Variants in EYA2 observed in about 807,000 individuals in gnomAD.
EYA2 encodes protein phosphatase EYA2.
EYA2 carries 31 observed loss-of-function variants against 69.2 expected under a neutral mutation model. That is an observed-to-expected ratio of 0.45 (90% CI 0.34 to 0.60). The LOEUF is 0.60. EYA2 is among the 20% of genes least tolerant of loss of function. The pLI, the probability that EYA2 is intolerant of heterozygous loss-of-function variation, is 0.02. For missense variants in EYA2, 622 were observed against 701.2 expected, an observed-to-expected ratio of 0.89 and a Z score of 1.28; for synonymous variants, 257 against 279.4, an observed-to-expected ratio of 0.92 and a Z score of 0.80.
chr20:47,061,992 G>A (rs1600679629), intron 5 of EYA2, among the ~76,000 whole-genome samples: 1 of 152,160 alleles, frequency 6.6e-6, no homozygotes. Flanking sequence ...TTTCCACCTT[G>A]CTATGCCCCA....
At chr20:47,184,605 T>G (rs6066226) in intron 15 of EYA2, among the ~76,000 whole-genome samples, 60,909 of 150,284 alleles carry the variant, frequency 0.41, 12,907 homozygotes, top group Non-Finnish European at 0.48. Context: ...TTTTTTTTTA[T>G]AGAGATGGGG....
intron 9 of EYA2, among the ~76,000 whole-genome samples, chr20:47,129,381 T>C (rs1054127559): frequency 2.6e-5 from 4 of 152,110 alleles, no homozygotes; most frequent in African/African-American, 7.2e-5. Flanking sequence ...CTTTCTGGCA[T>C]TGAAAGTGGG....
At chr20:47,159,323 C>G (rs560973677) in intron 10 of EYA2, among the ~76,000 whole-genome samples, 1 of 151,918 alleles carries the variant, frequency 6.6e-6, no homozygotes, top group Non-Finnish European at 1.5e-5. Flanking sequence ...CCCAGGAACC[C>G]GGTGTCATCA....
At chr20:46,968,984 CTGAGTGCATAA>C (rs1979962504) in intron 1 of EYA2, among the ~76,000 whole-genome samples, 1 of 152,214 alleles carries the variant, frequency 6.6e-6, no homozygotes, top group Non-Finnish European at 1.5e-5. Context: ...GCTAACAGTG[CTGAGTGCATAA>C]TGAGCACTTG....
chr20:47,105,647 T>C (rs1324379603), intron 9 of EYA2, among the ~76,000 whole-genome samples: 1 of 140,248 alleles, frequency 7.1e-6, no homozygotes, highest in Admixed American at 7.1e-5. Flanking sequence ...AAAAGGAACC[T>C]GCCCAAATGT....
At chr20:47,005,418 T>C (rs1398974245) in intron 4 of EYA2, among the ~76,000 whole-genome samples, 3 of 152,208 alleles carry the variant, frequency 2.0e-5, no homozygotes, top group Non-Finnish European at 4.4e-5. Flanking sequence ...GGTGTAAGTC[T>C]CTTTCCATCT....
chr20:47,149,182 A>C (rs1008439206), intron 10 of EYA2, among the ~76,000 whole-genome samples: 2 of 152,212 alleles, frequency 1.3e-5, no homozygotes, highest in Non-Finnish European at 2.9e-5. Flanking sequence ...CTGAAATTTT[A>C]TAGGCAGTGT....
At chr20:47,026,293 A>G (rs950746537) in intron 5 of EYA2, among the ~76,000 whole-genome samples, 3 of 152,242 alleles carry the variant, frequency 2.0e-5, no homozygotes, top group African/African-American at 7.2e-5. Flanking sequence ...GACGGTTTAA[A>G]TGTTAAAAAT....
intron 9 of EYA2, among the ~76,000 whole-genome samples, chr20:47,101,364 G>A (rs886960232): frequency 2.0e-5 from 3 of 152,222 alleles, no homozygotes; most frequent in African/African-American, 7.2e-5. Context: ...TGGGATTACA[G>A]GCCTGAGCCA....
At chr20:46,918,362 G>A (rs1985020845) in intron 1 of EYA2, among the ~76,000 whole-genome samples, 1 of 149,876 alleles carries the variant, frequency 6.7e-6, no homozygotes, top group Non-Finnish European at 1.5e-5. Flanking sequence ...AAGCTGATGT[G>A]CAATGGCACG....
chr20:47,180,703 C>T (rs529846286), intron 13 of EYA2, 112 bp from the exon 14 acceptor site: 17 of 1,339,964 alleles, frequency 1.3e-5, no homozygotes, highest in Non-Finnish European at 1.7e-5. Context: ...AAGATGACAG[C>T]CATAGCCTCC....
chr20:47,151,604 C>T (rs953136101), intron 10 of EYA2, among the ~76,000 whole-genome samples: 1 of 151,942 alleles, frequency 6.6e-6, no homozygotes, highest in Non-Finnish European at 1.5e-5. Context: ...TCCAAGGCCT[C>T]GCCAGTTCCT....
chr20:47,036,322 T>C (rs1340919730), intron 5 of EYA2, among the ~76,000 whole-genome samples: 1 of 152,296 alleles, frequency 6.6e-6, no homozygotes, highest in Non-Finnish European at 1.5e-5. Flanking sequence ...ATAGCCAAAG[T>C]TCGCGCAAAA....
At chr20:46,991,987 C>A (rs943723480) in intron 2 of EYA2, among the ~76,000 whole-genome samples, 18 of 62,666 alleles carry the variant, frequency 2.9e-4, no homozygotes, top group African/African-American at 5.1e-4. Flanking sequence ...AAAAAAAAAA[C>A]GCTGAAAGCT....
chr20:46,981,040 T>C (rs1568701304), intron 1 of EYA2, among the ~76,000 whole-genome samples: 1 of 152,204 alleles, frequency 6.6e-6, no homozygotes, highest in South Asian at 2.1e-4. Flanking sequence ...AAGCTTCTTT[T>C]TAGATCCTCA....
In EYA2 at chr20:47,068,731, T is replaced by C. The variant is rs543131036; in HGVS notation, c.416-3454T>C. Among the ~76,000 whole-genome samples, 4 of 152,310 alleles carry C rather than the reference T, an allele frequency of 2.6e-5. No individual in the cohort carries two copies. The South Asian group carries it at 8.3e-4, about 32-fold the overall frequency. ...TCATCTTGGATAATTTTAGAGGTGT[T>C]GTGGTTCCTTTATTATCCTCTTATC... is the stretch of plus-strand genomic sequence containing the variant. On this transcript the variant is annotated intron_variant, in intron 5 of 15. Coordinates refer to ENST00000327619, the MANE Select transcript of EYA2 (RefSeq NM_005244.5).
intron 1 of EYA2, among the ~76,000 whole-genome samples, chr20:46,919,361 GCTTAGTGTAGCCAC>G (rs1985077887): frequency 1.3e-5 from 2 of 152,206 alleles, no homozygotes; most frequent in African/African-American, 4.8e-5. Flanking sequence ...AGAATATATT[GCTTAGTGTAGCCAC>G]CTTCATCACT....
At chr20:46,945,178 C>T (rs1978379742) in intron 1 of EYA2, among the ~76,000 whole-genome samples, 2 of 151,946 alleles carry the variant, frequency 1.3e-5, no homozygotes, top group Non-Finnish European at 2.9e-5. Flanking sequence ...GTAGCCTTAG[C>T]CTCGCTGGAC....
At chr20:47,019,885 C>T (rs569674657) in intron 5 of EYA2, among the ~76,000 whole-genome samples, 2 of 150,970 alleles carry the variant, frequency 1.3e-5, no homozygotes, top group South Asian at 4.2e-4. Flanking sequence ...AGGAGGATCA[C>T]TTTTCAGCCT....
Sources: allele counts gnomAD v4.1 joint callset (sites outside exome capture counted in the v4.1 genomes callset), GRCh38; gene constraint gnomAD v4.1.1; transcripts MANE v1.5; gene names NCBI Gene and HGNC (gene_info 2026-07-23, HGNC 2026-07-21).